CNBD1: variants seen among roughly 807,000 people sequenced by gnomAD.
CNBD1 encodes cyclic nucleotide-binding domain-containing protein 1.
A neutral mutation model predicts 54.4 loss-of-function variants in CNBD1; 71 were observed. The observed-to-expected ratio is 1.30, with a 90% CI of 1.08 to 1.59. The LOEUF (loss-of-function observed/expected upper bound fraction) is 1.59. Among genes scored for constraint, CNBD1 ranks in the 40% most tolerant of loss-of-function variants. The pLI, the probability that CNBD1 is intolerant of heterozygous loss-of-function variation, is 0.00. For missense variants in CNBD1, 659 were observed against 518.0 expected, an observed-to-expected ratio of 1.27 and a Z score of -2.64; for synonymous variants, 182 against 170.7, an observed-to-expected ratio of 1.07 and a Z score of -0.51.
intron 4 of CNBD1, among the ~76,000 whole-genome samples, chr8:86,958,401 G>C (rs994469336): frequency 6.6e-6 from 1 of 152,094 alleles, no homozygotes; most frequent in Non-Finnish European, 1.5e-5. Context: ...TTCCTGTCTT[G>C]TTGTCTGTTT....
chr8:87,073,397 T>G (rs1385006308), intron 4 of CNBD1, among the ~76,000 whole-genome samples: 1 of 152,168 alleles, frequency 6.6e-6, no homozygotes, highest in African/African-American at 2.4e-5. Flanking sequence ...TTTTGAGTTT[T>G]TACATTTTTA....
At chr8:87,361,517 A>G (rs1447813646) in intron 10 of CNBD1, among the ~76,000 whole-genome samples, 3 of 151,898 alleles carry the variant, frequency 2.0e-5, no homozygotes, top group Non-Finnish European at 2.9e-5. Context: ...TACATTATCA[A>G]TGCTTACAAA....
intron 4 of CNBD1, among the ~76,000 whole-genome samples, chr8:87,003,876 A>C (rs905341305): frequency 2.6e-5 from 4 of 152,266 alleles, no homozygotes; most frequent in Non-Finnish European, 5.9e-5. Context: ...GTGTGGGCAG[A>C]AATACTCTGG....
intron 8 of CNBD1, among the ~76,000 whole-genome samples, chr8:87,336,692 T>A (rs567864455): frequency 6.6e-6 from 1 of 152,310 alleles, no homozygotes; most frequent in Admixed American, 6.5e-5. Flanking sequence ...TGAAGCCTAC[T>A]TCTATCAATT....
intron 4 of CNBD1, among the ~76,000 whole-genome samples, chr8:87,145,231 T>C (rs1377495757): frequency 6.6e-6 from 1 of 152,036 alleles, no homozygotes; most frequent in East Asian, 1.9e-4. Flanking sequence ...GAATGACAAA[T>C]AGATTGGGAG....
At chr8:87,422,430 C>T (rs918249430) in intron 2 of CNBD1, among the ~76,000 whole-genome samples, 1 of 149,522 alleles carries the variant, frequency 6.7e-6, no homozygotes, top group African/African-American at 2.5e-5. Context: ...GTCTTTAATC[C>T]ATCTTGAATT....
intron 2 of CNBD1, among the ~76,000 whole-genome samples, chr8:87,412,717 G>C (rs1807768952): frequency 6.6e-6 from 1 of 152,046 alleles, no homozygotes; most frequent in Admixed American, 6.6e-5. Flanking sequence ...GAAAAACATA[G>C]TCACAGGAGC....
At chr8:86,978,837 C>T (rs1808404356) in intron 4 of CNBD1, among the ~76,000 whole-genome samples, 1 of 151,982 alleles carries the variant, frequency 6.6e-6, no homozygotes, top group South Asian at 2.1e-4. Context: ...TCCAGCTGGA[C>T]ATGCTTTATA....
At chr8:87,117,413 A>AG (rs1554556763) in intron 4 of CNBD1, among the ~76,000 whole-genome samples, 4 of 151,772 alleles carry the variant, frequency 2.6e-5, no homozygotes, top group African/African-American at 9.7e-5. Context: ...AAAAAAAAAA[A>AG]AAGAACTGAG....
At position 87,187,055 on chromosome 8, in the gene CNBD1, G is replaced by A. The variant is rs542168745; in HGVS notation, c.432-18938G>A. On this transcript the variant is annotated intron_variant, in intron 4 of 10. Coordinates refer to ENST00000518476, the MANE Select transcript of CNBD1 (RefSeq NM_173538.3). ...TGAAGTACATAATTGACAATATTATGCAACATATTTGTTTTTCTCTTTTAC... is the reference window on the plus strand; with the variant it reads ...TGAAGTACATAATTGACAATATTATACAACATATTTGTTTTTCTCTTTTAC... Among the ~76,000 whole-genome samples the A allele has an allele frequency of 2.6e-5, 4 of 152,052 alleles. No individual in the cohort carries two copies. The South Asian group carries it at 6.2e-4, about 24-fold the overall frequency.
At chr8:87,255,990 TATATATATATATATATATATATA>T (rs1808002478) in intron 6 of CNBD1, among the ~76,000 whole-genome samples, 2 of 12,154 alleles carry the variant, frequency 1.6e-4, no homozygotes, top group Admixed American at 1.2e-3. Flanking sequence ...TATATATATA[TATATATATATATATATATATATA>T]TATTTTTTTT....
chr8:87,386,982 C>T (rs1319916216), downstream of CNBD1, among the ~76,000 whole-genome samples: 1 of 152,154 alleles, frequency 6.6e-6, no homozygotes, highest in Non-Finnish European at 1.5e-5. Context: ...ATTTTCAACC[C>T]AGTATTTTAT....
chr8:87,060,611 G>A (rs896487856), intron 4 of CNBD1, among the ~76,000 whole-genome samples: 4 of 152,008 alleles, frequency 2.6e-5, no homozygotes, highest in South Asian at 2.1e-4. Context: ...TCAAATCACA[G>A]GAAAGCTAAA....
chr8:87,351,313 A>T (rs1056439515), intron 8 of CNBD1, among the ~76,000 whole-genome samples: 2 of 152,028 alleles, frequency 1.3e-5, no homozygotes, highest in Non-Finnish European at 2.9e-5. Flanking sequence ...TGGGTTTGTT[A>T]TTAAACTATC....
intron 8 of CNBD1, among the ~76,000 whole-genome samples, chr8:87,299,054 T>A (rs1808936662): frequency 6.6e-6 from 1 of 152,196 alleles, no homozygotes; most frequent in African/African-American, 2.4e-5. Flanking sequence ...TTCTTTCTGT[T>A]ACATTATGAA....
intron 2 of CNBD1, among the ~76,000 whole-genome samples, chr8:87,421,710 T>C (rs1484682526): frequency 1.3e-5 from 2 of 150,802 alleles, no homozygotes; most frequent in African/African-American, 2.4e-5. Flanking sequence ...GTCTTTGCTA[T>C]TGTGAATAAT....
At chr8:86,965,354 T>G (rs548432861) in intron 4 of CNBD1, among the ~76,000 whole-genome samples, 1 of 152,240 alleles carries the variant, frequency 6.6e-6, no homozygotes, top group South Asian at 2.1e-4. Flanking sequence ...ATACTCTCAG[T>G]TGCTCCAGGA....
chr8:87,156,708 G>A (rs888006286), intron 4 of CNBD1, among the ~76,000 whole-genome samples: 1 of 152,006 alleles, frequency 6.6e-6, no homozygotes, highest in Non-Finnish European at 1.5e-5. Flanking sequence ...TCAGGGTTGG[G>A]GGTTAAGCCT....
chr8:87,338,843 C>G (rs1810006936), intron 8 of CNBD1, among the ~76,000 whole-genome samples: 1 of 152,034 alleles, frequency 6.6e-6, no homozygotes, highest in African/African-American at 2.4e-5. Context: ...ATAGAAGACA[C>G]TACTATAAAT....
Sources: gnomAD v4.1 joint callset for allele counts (sites outside exome capture counted in the v4.1 genomes callset) on GRCh38, gnomAD v4.1.1 for gene constraint, MANE v1.5 for transcripts, NCBI Gene and HGNC (gene_info 2026-07-23, HGNC 2026-07-21) for gene names.